Variants in OR4D2 observed in about 807,000 individuals in gnomAD.
OR4D2 encodes the protein olfactory receptor 4D2.
Under a neutral mutation model 12.4 loss-of-function variants are expected in OR4D2, and 9 were observed. The ratio of observed to expected loss-of-function variants is 0.73; its 90% CI spans 0.44 to 1.27. OR4D2 has a LOEUF of 1.27. Among genes scored for constraint, OR4D2 ranks in the 50% most tolerant of loss-of-function variants. The pLI is 0.00. For missense variants in OR4D2, 373 were observed against 381.6 expected, an observed-to-expected ratio of 0.98 and a Z score of 0.19; for synonymous variants, 151 against 151.1, an observed-to-expected ratio of 1.00 and a Z score of 0.01.
chr17:58,169,680 G>T lies in OR4D2; in HGVS notation c.25G>T (p.Val9Leu). 1.9e-6 allele frequency: 3 copies of T among 1,614,006 alleles called. No homozygotes were observed. Among genetic ancestry groups the T allele is most frequent in the Non-Finnish European group, 2.5e-6 (3 of 1,179,876 alleles). The change falls in exon 2 of 2, where the codon GTA becomes TTA. Residue 9 changes from valine to leucine, a missense_variant. Physicochemically the swap from Val to Leu is conservative, Grantham distance 32. Coordinates refer to ENST00000545221, the MANE Select transcript of OR4D2 (RefSeq NM_001004707.4). The stretch of plus-strand genomic sequence containing the variant: ...CATGGAAACAGGGAACCTCACGTGG[G>T]TATCAGACTTTGTCTTCCTGGGGCT... The part of the protein sequence containing the change: METGNLTW[V>L]SDFVFLGLSQ...
At chr17:58,167,349 T>C (rs183710113) in intron 1 of OR4D2, among the ~76,000 whole-genome samples, 426 of 152,284 alleles carry the variant, frequency 2.8e-3, no homozygotes, top group Non-Finnish European at 4.9e-3. Context: ...ATTTCTCTTA[T>C]CGCCTCTAGG....
Position 58,169,474 on chromosome 17 carries a change from A to G in OR4D2, c.-18-164A>G, listed in dbSNP as rs1967930752. 6.4e-6 allele frequency: 4 copies of G among 621,164 alleles called. No individual in the cohort carries two copies. In the East Asian group the frequency reaches 1.1e-4, roughly 17 times the overall value. 38.5% of individuals were successfully genotyped at this position (621,164 alleles called of 1,614,324 possible). A position where few individuals can be genotyped will look rare whatever the true frequency, so the allele number is the denominator to read the frequency against. ...TTAAGATTTCAGGAATGTATATTCC[A>G]GCACCCACTTGTAAACGATCCAGAG... On this transcript the variant is annotated intron_variant, in intron 1 of 1. Transcript: ENST00000545221.
Position 58,170,690 on chromosome 17 carries a change from G to C in OR4D2, c.*111G>C. On this transcript the variant is annotated 3_prime_UTR_variant, in exon 2 of 2. Transcript: ENST00000545221. Reference sequence around the variant, plus strand: ...GTGTGTTGAGGTTCATCATAGCAGGGAATGAATTTTGAAACTAAGCAACTT... The same window carrying C: ...GTGTGTTGAGGTTCATCATAGCAGGCAATGAATTTTGAAACTAAGCAACTT... The C allele has an allele frequency of 1.2e-6, 1 of 845,318 alleles. No individual in the cohort carries two copies. The allele number at this position is 845,318 out of a possible 1,614,324, so 52.4% of individuals were successfully genotyped here.
rs1234292293 is a variant in OR4D2, at chr17:58,170,398, C to T, written c.743C>T (p.Ser248Phe). Reference protein sequence around the residue: ...STCTTHIIVVSMIFVPSIYLY... With the variant: ...STCTTHIIVVFMIFVPSIYLY... ...TGCACCACCCACATCATCGTGGTTT[C>T]CATGATCTTCGTTCCAAGCATTTAC... Residue 248 changes from serine (S) to phenylalanine (F), a missense_variant, in exon 2 of 2, where the codon TCC (serine) becomes TTC (phenylalanine). Coordinates refer to ENST00000545221, the MANE Select transcript of OR4D2 (RefSeq NM_001004707.4). 1 of 1,614,230 alleles carries T rather than the reference C, an allele frequency of 6.2e-7. No homozygotes were observed. Among genetic ancestry groups the T allele is most frequent in the South Asian group, 1.1e-5 (1 of 91,084 alleles).
rs1354116150 is a variant in OR4D2 at position 58,170,463 on chromosome 17, C to T, written c.808C>T (p.Leu270Phe). The change falls in exon 2 of 2, where the codon CTT (leucine) becomes TTT (phenylalanine). Residue 270 changes from leucine (L) to phenylalanine (F), a missense_variant. Physicochemically the swap from Leu to Phe is conservative, Grantham distance 22 (BLOSUM62 0). Coordinates refer to ENST00000545221, the MANE Select transcript of OR4D2 (RefSeq NM_001004707.4). ...CTTCACTCCATTCCCTATGGACAAG[C>T]TTGTGTCCATCGGCCACACAGTCAT... is the stretch of plus-strand genomic sequence containing the variant. ...RPFTPFPMDK[L>F]VSIGHTVMTP... 8 of 1,613,810 alleles carry T rather than the reference C, an allele frequency of 5.0e-6. No individual in the cohort carries two copies. Among genetic ancestry groups the T allele is most frequent in the Non-Finnish European group, 6.8e-6 (8 of 1,179,684 alleles).
Position 58,169,699 on chromosome 17 carries a change from T to C in OR4D2, c.44T>C (p.Leu15Pro), listed in dbSNP as rs1967934283. 10 of 1,614,200 alleles carry C rather than the reference T, an allele frequency of 6.2e-6. No individual in the cohort carries two copies. The highest frequency in any genetic ancestry group is 8.5e-6 in the Non-Finnish European group (10 of 1,180,008). ...NLTWVSDFVF[L>P]GLSQTRELQR... ...ACGTGGGTATCAGACTTTGTCTTCC[T>C]GGGGCTCTCGCAGACTCGGGAGCTC... The change falls in exon 2 of 2, where the codon CTG (leucine) becomes CCG (proline). Residue 15 changes from leucine to proline, a missense_variant. Leu to Pro is a moderately conservative substitution (Grantham distance 98). Coordinates refer to ENST00000545221, the MANE Select transcript of OR4D2 (RefSeq NM_001004707.4).
intron 1 of OR4D2, 48 bp from the exon 2 acceptor site, chr17:58,169,590 G>C: frequency 7.4e-7 from 1 of 1,346,302 alleles, no homozygotes; most frequent in Non-Finnish European, 1.1e-6. Context: ...GCCCTGAAAG[G>C]GAAAGTAGTG....
chr17:58,168,076 C>A (rs1967912125), intron 1 of OR4D2, among the ~76,000 whole-genome samples: 1 of 147,308 alleles, frequency 6.8e-6, no homozygotes, highest in African/African-American at 2.6e-5. Flanking sequence ...ATTAGAATGA[C>A]CTATAATATT....
In OR4D2 at chr17:58,170,383, A is replaced by G. The variant is rs376987503; in HGVS notation, c.728A>G (p.His243Arg). Residue 243 changes from histidine to arginine, a missense_variant, in exon 2 of 2, where the codon CAC (histidine) becomes CGC (arginine). By Grantham distance (29) the His-to-Arg change is conservative (BLOSUM62 0). Coordinates refer to ENST00000545221, the MANE Select transcript of OR4D2 (RefSeq NM_001004707.4). Reference protein sequence around the residue: ...RRKAASTCTTHIIVVSMIFVP... With the variant: ...RRKAASTCTTRIIVVSMIFVP... Reference sequence around the variant, plus strand: ...AAGGCAGCTTCCACCTGCACCACCCACATCATCGTGGTTTCCATGATCTTC... The same window carrying G: ...AAGGCAGCTTCCACCTGCACCACCCGCATCATCGTGGTTTCCATGATCTTC... 1 of 1,614,162 alleles carries G rather than the reference A, an allele frequency of 6.2e-7. No homozygotes were observed. Among genetic ancestry groups the G allele is most frequent in the African/African-American group, 1.3e-5 (1 of 75,024 alleles).
In OR4D2 at chr17:58,170,088, G is replaced by C. The variant is rs775846428; in HGVS notation, c.433G>C (p.Val145Leu). 6.2e-7 allele frequency: 1 copy of C among 1,614,136 alleles called. No homozygotes were observed. The change falls in exon 2 of 2, where the codon GTG becomes CTG. Residue 145 changes from valine to leucine, a missense_variant. Val to Leu is a conservative substitution (Grantham distance 32, BLOSUM62 1). Transcript: ENST00000545221. Reference protein sequence around the residue: ...VMNTQLWVGLVVATWVGGFVH... With the variant: ...VMNTQLWVGLLVATWVGGFVH... ...GAACACTCAGCTCTGGGTGGGGCTG[G>C]TGGTAGCCACCTGGGTGGGAGGCTT...
rs1967956398 is a variant in OR4D2 at position 58,170,740 on chromosome 17, T to C, written c.*161T>C. ...TCGTGTTTTAGGAAAAAAGAAAGTATCCTCTTTGGTGGTTAAGGTTTGTGA... is the reference window on the plus strand; with the variant it reads ...TCGTGTTTTAGGAAAAAAGAAAGTACCCTCTTTGGTGGTTAAGGTTTGTGA... On this transcript the variant is annotated 3_prime_UTR_variant, in exon 2 of 2. Transcript: ENST00000545221. 1.1e-5 allele frequency: 7 copies of C among 634,646 alleles called. No homozygotes were observed. Among genetic ancestry groups the C allele is most frequent in the Middle Eastern group, 7.5e-4 (2 of 2,654 alleles). 39.3% of individuals were successfully genotyped at this position (634,646 alleles called of 1,614,324 possible).
chr17:58,170,266 G>A lies in OR4D2; in HGVS notation c.611G>A (p.Gly204Glu). 6.2e-7 allele frequency: 1 copy of A among 1,614,030 alleles called. No individual in the cohort carries two copies. The change falls in exon 2 of 2, where the codon GGG (glycine) becomes GAG (glutamate). Residue 204 changes from glycine (G) to glutamate (E), a missense_variant. Physicochemically the swap from Gly to Glu is moderately conservative, Grantham distance 98 (BLOSUM62 -2). Coordinates refer to ENST00000545221, the MANE Select transcript of OR4D2 (RefSeq NM_001004707.4). ...GAGTTCCTCAAGATCTCCAACAGTG[G>A]GCTGCTGGATGTCGTCTGGTTCTTC... ...LLEFLKISNS[G>E]LLDVVWFFLL...
At position 58,169,863 on chromosome 17, in the gene OR4D2, G is replaced by T. The variant is rs1332502019; in HGVS notation, c.208G>T (p.Asp70Tyr). The change falls in exon 2 of 2, where the codon GAC becomes TAC. Residue 70 changes from aspartate to tyrosine, a missense_variant. Transcript: ENST00000545221. ...YFLLRNLAVLDLCFSSVTAPK... is the reference protein window; with the variant it reads ...YFLLRNLAVLYLCFSSVTAPK... ...TCTGCTCCGAAACCTGGCTGTCCTA[G>T]ACCTCTGTTTCTCTTCAGTCACTGC... 9.3e-6 allele frequency: 15 copies of T among 1,613,962 alleles called. No homozygotes were observed.
At chr17:58,168,188 CA>C (rs1446786373) in intron 1 of OR4D2, among the ~76,000 whole-genome samples, 1 of 149,338 alleles carries the variant, frequency 6.7e-6, no homozygotes, top group Non-Finnish European at 1.5e-5. Flanking sequence ...TGTCACCCTC[CA>C]TCTTCTTCTT....
intron 1 of OR4D2, among the ~76,000 whole-genome samples, chr17:58,167,999 C>CAAAAAAAAAA (rs1165311786): frequency 1.3e-4 from 5 of 39,224 alleles, no homozygotes; most frequent in African/African-American, 3.1e-4. Context: ...GACTCCGTCA[C>CAAAAAAAAAA]AAAAAAAAAA....
intron 1 of OR4D2, 42 bp downstream of exon 1, chr17:58,167,095 A>G (rs1967900685): frequency 6.6e-6 from 1 of 152,260 alleles, no homozygotes; most frequent in Admixed American, 6.5e-5. Context: ...CACATAAAAC[A>G]AAGTCACATT....
intron 1 of OR4D2, among the ~76,000 whole-genome samples, chr17:58,168,423 G>T (rs1398651654): frequency 6.6e-6 from 1 of 152,014 alleles, no homozygotes; most frequent in African/African-American, 2.4e-5. Flanking sequence ...GGCCAGGCTG[G>T]TCTCAAACTT....
Position 58,170,718 on chromosome 17 carries a change from T to C in OR4D2, c.*139T>C, listed in dbSNP as rs1967956192. 1.4e-6 allele frequency: 1 copy of C among 690,762 alleles called. No homozygotes were observed. Among genetic ancestry groups the C allele is most frequent in the Admixed American group, 2.7e-5 (1 of 36,432 alleles). The allele number at this position is 690,762 out of a possible 1,614,324, so 42.8% of individuals were successfully genotyped here. ...TGAATTTTGAAACTAAGCAACTTCGTGTTTTAGGAAAAAAGAAAGTATCCT... is the reference window on the plus strand; with the variant it reads ...TGAATTTTGAAACTAAGCAACTTCGCGTTTTAGGAAAAAAGAAAGTATCCT... On this transcript the variant is annotated 3_prime_UTR_variant, in exon 2 of 2. Transcript: ENST00000545221.
intron 1 of OR4D2, among the ~76,000 whole-genome samples, chr17:58,167,854 T>G (rs1452100211): frequency 6.6e-6 from 1 of 151,186 alleles, no homozygotes; most frequent in Non-Finnish European, 1.5e-5. Flanking sequence ...ACAAAAAAAA[T>G]TAGCCGGGCG....
Sources: gnomAD v4.1 joint callset for allele counts (sites outside exome capture counted in the v4.1 genomes callset) on GRCh38, gnomAD v4.1.1 for gene constraint, MANE v1.5 for transcripts, NCBI Gene and HGNC (gene_info 2026-07-23, HGNC 2026-07-21) for gene names.